TTLL13: variants seen among roughly 807,000 people sequenced by gnomAD.
TTLL13 encodes tubulin tyrosine ligase like 13.
chr15:90,253,406 G>GC, the TTLL13 span: 1 of 1,504,136 alleles, frequency 6.6e-7, no homozygotes, highest in Non-Finnish European at 9.2e-7. Context: ...AGGGGCTAGG[G>GC]CCCCAGAATG....
chr15:90,263,180 G>A, the TTLL13 span: 1 of 1,488,620 alleles, frequency 6.7e-7, no homozygotes, highest in Admixed American at 2.4e-5. Flanking sequence ...AGAGGAAAAG[G>A]GAACAAGGGC....
the TTLL13 span, chr15:90,258,267 G>T: frequency 3.1e-6 from 5 of 1,613,984 alleles, no homozygotes; most frequent in South Asian, 3.3e-5. Flanking sequence ...CTGGCTGCTA[G>T]AGGTGAGGAT....
the TTLL13 span, among the ~76,000 whole-genome samples, chr15:90,252,092 T>C: frequency 1.4e-5 from 2 of 144,910 alleles, no homozygotes; most frequent in African/African-American, 2.5e-5. Flanking sequence ...CAGGCTGGAA[T>C]GCAATGGCGT....
chr15:90,260,912 C>T, the TTLL13 span, among the ~76,000 whole-genome samples: 99 of 151,104 alleles, frequency 6.6e-4, no homozygotes, highest in Non-Finnish European at 8.8e-4. Flanking sequence ...CACGCATGCA[C>T]GCACAAGCTA....
chr15:90,254,579 G>A, the TTLL13 span, among the ~76,000 whole-genome samples: 1 of 151,538 alleles, frequency 6.6e-6, no homozygotes, highest in Non-Finnish European at 1.5e-5. Flanking sequence ...GGTGGCTCTC[G>A]TGCCTGAAAT....
the TTLL13 span, chr15:90,251,432 T>G: frequency 5.8e-6 from 6 of 1,041,784 alleles, no homozygotes; most frequent in East Asian, 1.5e-4. Context: ...CCCATCCTGG[T>G]CTGTCTTTTA....
At chr15:90,261,083 C>CTTT in the TTLL13 span, among the ~76,000 whole-genome samples, 1 of 140,922 alleles carries the variant, frequency 7.1e-6, no homozygotes, top group Non-Finnish European at 1.6e-5. Flanking sequence ...TTCTTGTTTT[C>CTTT]TTTTTTTTTT....
the TTLL13 span, chr15:90,258,857 G>T: frequency 1.2e-6 from 2 of 1,614,198 alleles, no homozygotes; most frequent in Non-Finnish European, 1.7e-6. Context: ...CAAAAGGAAG[G>T]TGATGGAGGA....
At chr15:90,259,371 C>G in the TTLL13 span, among the ~76,000 whole-genome samples, 1 of 150,548 alleles carries the variant, frequency 6.6e-6, no homozygotes, top group Admixed American at 6.6e-5. Context: ...GCCTGGGCAA[C>G]AGAGTGAGAC....
At chr15:90,256,138 T>A in the TTLL13 span, 1 of 1,613,966 alleles carries the variant, frequency 6.2e-7, no homozygotes, top group East Asian at 2.2e-5. Flanking sequence ...TCTCTGCACA[T>A]AGCTATGGGG....
the TTLL13 span, among the ~76,000 whole-genome samples, chr15:90,254,653 C>A: frequency 6.6e-6 from 1 of 151,714 alleles, no homozygotes; most frequent in African/African-American, 2.4e-5. Context: ...GCCTGGGCAA[C>A]AGGCAAAACC....
At chr15:90,263,589 G>C in the TTLL13 span, 1 of 576,368 alleles carries the variant, frequency 1.7e-6, no homozygotes, top group Non-Finnish European at 3.1e-6. Context: ...TAGCAAACCT[G>C]TTGGGTCTTC....
chr15:90,255,238 G>A, the TTLL13 span, among the ~76,000 whole-genome samples: 12 of 152,192 alleles, frequency 7.9e-5, no homozygotes, highest in South Asian at 2.1e-4. Flanking sequence ...GTGGCATCCC[G>A]GATGCTGCCA....
At chr15:90,252,633 T>C in the TTLL13 span, among the ~76,000 whole-genome samples, 4 of 152,136 alleles carry the variant, frequency 2.6e-5, no homozygotes, top group Non-Finnish European at 5.9e-5. Context: ...CACACAAGTA[T>C]GGAGTGTGAA....
chr15:90,257,481 C>T, the TTLL13 span, among the ~76,000 whole-genome samples: 2 of 152,140 alleles, frequency 1.3e-5, no homozygotes, highest in East Asian at 1.9e-4. Flanking sequence ...CCAGCACACA[C>T]TCTTCCCCAG....
chr15:90,257,762 T>C, the TTLL13 span: 2 of 1,590,932 alleles, frequency 1.3e-6, no homozygotes, highest in South Asian at 1.1e-5. Context: ...CTCTGCCCCT[T>C]AGCCCCACAG....
chr15:90,265,113 A>G, the TTLL13 span: 2 of 1,260,758 alleles, frequency 1.6e-6, no homozygotes, highest in East Asian at 2.6e-5. Context: ...GCAAAATACA[A>G]AGACACCAAG....
the TTLL13 span, chr15:90,257,422 C>G: frequency 6.2e-6 from 8 of 1,299,304 alleles, no homozygotes; most frequent in African/African-American, 4.5e-5. Flanking sequence ...AGCTGGGAGG[C>G]AAGTGTTTGG....
the TTLL13 span, among the ~76,000 whole-genome samples, chr15:90,254,451 T>C: frequency 7.3e-6 from 1 of 136,152 alleles, no homozygotes; most frequent in Admixed American, 8.4e-5. Flanking sequence ...CAAGATTGTG[T>C]CATTGCACTC....
Sources: allele counts gnomAD v4.1 joint callset (sites outside exome capture counted in the v4.1 genomes callset), GRCh38; gene constraint gnomAD v4.1.1; transcripts MANE v1.5; gene names NCBI Gene and HGNC (gene_info 2026-07-23, HGNC 2026-07-21).